The following EP400 variants were observed in gnomAD, a reference collection of about 807,000 sequenced individuals.
The protein encoded by EP400 is E1A binding protein p400.
In EP400, 105 loss-of-function variants were observed where a neutral mutation model predicts 354.1. The observed-to-expected ratio is 0.30, with a 90% confidence interval of 0.25 to 0.35. The LOEUF is 0.35. EP400 is among the 10% of genes least tolerant of loss of function. The pLI is 1.00. For synonymous variants in EP400, 1,646 were observed against 1,716.9 expected (o/e 0.96, Z 1.02); for missense variants, 3,280 against 4,121.0 (o/e 0.80, Z 5.59).
At chr12:131,959,569 C>T (rs1406122908) in intron 1 of EP400, among the ~76,000 whole-genome samples, 2 of 152,236 alleles carry the variant, frequency 1.3e-5, no homozygotes, top group East Asian at 1.9e-4. Flanking sequence ...TTCTCATCCA[C>T]TTGTGCTCAG....
At chr12:132,044,344 C>A (rs188094383) in intron 35 of EP400, 33 bp downstream of exon 35, 5 of 1,599,392 alleles carry the variant, frequency 3.1e-6, no homozygotes, top group Non-Finnish European at 2.6e-6. Flanking sequence ...GCCCTCTTGC[C>A]CCCCTGCTGA....
In EP400 at chr12:132,028,198, C is replaced by T. The variant is rs139669442; in HGVS notation, c.5291C>T (p.Ala1764Val). The T allele has an allele frequency of 4.8e-5, 77 of 1,613,994 alleles. No homozygotes were observed. Among genetic ancestry groups the T allele is most frequent in the African/African-American group, 1.3e-4 (10 of 74,904 alleles). Residue 1764 changes from alanine (A) to valine (V), a missense_variant, in exon 27 of 53, where the codon GCG becomes GTG. By Grantham distance (64) the Ala-to-Val change is moderately conservative. Transcript: ENST00000389561. ...CGTCGTGGGAAGGAGGCCGGGCCAG[C>T]GCACAGTTACACTTCATCCTCAGAA... is the stretch of plus-strand genomic sequence containing the variant. ...DGRRGKEAGP[A>V]HSYTSSSESP...
chr12:132,020,738 T>C (rs939992846), intron 22 of EP400, among the ~76,000 whole-genome samples: 24 of 152,230 alleles, frequency 1.6e-4, no homozygotes, highest in African/African-American at 4.8e-5. Flanking sequence ...TCTATAGAAA[T>C]ATGAGTGGAA....
At position 132,029,640 on chromosome 12, in the gene EP400, C is replaced by T. The variant is rs1593358372; in HGVS notation, c.5382-61C>T. The T allele has an allele frequency of 1.3e-6, 2 of 1,553,154 alleles. No individual in the cohort carries two copies. Among genetic ancestry groups the T allele is most frequent in the East Asian group, 4.5e-5 (2 of 44,330 alleles). On this transcript the variant is annotated intron_variant, in intron 27 of 52. Transcript: ENST00000389561. This position sits in a 1 kb window ranked among gnomAD's most constrained non-coding sequence, Gnocchi z 4.7. ...AAGTCTGCCCCATCTTTCAGGAGCC[C>T]CCATGCTGGGTGAAGGTGTGTGGCT...
intron 32 of EP400, 64 bp from the exon 33 acceptor site, chr12:132,043,238 GCT>G (rs1894974328): frequency 6.5e-7 from 1 of 1,545,508 alleles, no homozygotes; most frequent in Non-Finnish European, 8.7e-7. Context: ...ACATGGGATA[GCT>G]CTTTTTCAAA....
intron 7 of EP400, among the ~76,000 whole-genome samples, chr12:131,989,671 A>G (rs775258444): frequency 2.6e-5 from 4 of 152,250 alleles, no homozygotes; most frequent in South Asian, 2.1e-4. Context: ...TTAATCATCT[A>G]TTAAATGGGA....
chr12:132,079,567 T>C lies in EP400; in HGVS notation c.*1894T>C. 1 of 152,284 alleles carries C rather than the reference T, an allele frequency of 6.6e-6. No individual in the cohort carries two copies. Among genetic ancestry groups the C allele is most frequent in the Non-Finnish European group, 1.5e-5 (1 of 68,050 alleles). The allele number at this position is 152,284 out of a possible 1,614,324, so 9.4% of individuals were successfully genotyped here. A position where few individuals can be genotyped will look rare whatever the true frequency, so the allele number is the denominator to read the frequency against. On this transcript the variant is annotated 3_prime_UTR_variant, in exon 53 of 53. Transcript: ENST00000389561. ...TTCCCAAATCTTGGTAGTCTCCTTA[T>C]AGTTGAAGATAAAATGTTGAGTGCA... is the stretch of plus-strand genomic sequence containing the variant.
chr12:132,013,386 G>C lies in EP400; in HGVS notation c.3612-104G>C, dbSNP rs1327538601. The C allele has an allele frequency of 6.9e-7, 1 of 1,440,986 alleles. No individual in the cohort carries two copies. The highest frequency in any genetic ancestry group is 2.3e-5 in the East Asian group (1 of 43,524). The allele number at this position is 1,440,986 out of a possible 1,614,324, so 89.3% of individuals were successfully genotyped here. On this transcript the variant is annotated intron_variant, in intron 17 of 52. Transcript: ENST00000389561. The surrounding 1 kb of genome is among the most constrained non-coding windows in gnomAD (Gnocchi z 4.5). Reference sequence around the variant, plus strand: ...AGGCATGTGCACGTTGACATTTGCGGTGTCAAATTACTGTCCCTTTTCTCA... The same window carrying C: ...AGGCATGTGCACGTTGACATTTGCGCTGTCAAATTACTGTCCCTTTTCTCA...
chr12:132,048,769 C>T (rs779641193), intron 39 of EP400, among the ~76,000 whole-genome samples: 8 of 152,104 alleles, frequency 5.3e-5, no homozygotes, highest in Non-Finnish European at 7.4e-5. Flanking sequence ...AGGCTAGTCT[C>T]GATCTCCTGA....
At chr12:132,004,418 G>A (rs1893514384) in intron 12 of EP400, among the ~76,000 whole-genome samples, 1 of 151,698 alleles carries the variant, frequency 6.6e-6, no homozygotes. Context: ...AAGCAATTAG[G>A]GTGAGTGTTT....
At chr12:131,974,279 A>G (rs996834691) in intron 2 of EP400, among the ~76,000 whole-genome samples, 1 of 151,888 alleles carries the variant, frequency 6.6e-6, no homozygotes, top group African/African-American at 2.4e-5. Context: ...GCGCCTGGCC[A>G]GTTTTTTAAT....
At chr12:132,051,964 C>G (rs751168134) in intron 41 of EP400, among the ~76,000 whole-genome samples, 1 of 152,190 alleles carries the variant, frequency 6.6e-6, no homozygotes, top group Non-Finnish European at 1.5e-5. Context: ...TGGCCCTGTC[C>G]GGGCATAACA....
chr12:132,028,325 G>A (rs1894375327), intron 27 of EP400, 37 bp downstream of exon 27: 11 of 1,600,982 alleles, frequency 6.9e-6, no homozygotes, highest in Non-Finnish European at 9.4e-6. Context: ...GTGCTCTCTG[G>A]CTGCATTGCA....
rs149219622 is a variant in EP400 at position 132,029,747 on chromosome 12, C to T, written c.5428C>T (p.Arg1810Trp). The T allele has an allele frequency of 6.1e-5, 98 of 1,613,288 alleles. No homozygotes were observed. The highest frequency in any genetic ancestry group is 1.7e-4 in the Middle Eastern group (1 of 5,842). Residue 1810 changes from arginine to tryptophan, a missense_variant, in exon 28 of 53, where the codon CGG (arginine) becomes TGG (tryptophan). Physicochemically the swap from Arg to Trp is moderately radical, Grantham distance 101 (BLOSUM62 -3). Around this residue, in one of 20 missense-constraint regions of EP400, gnomAD observed 459 missense variants for 496.9 expected, o/e 0.92. Coordinates refer to ENST00000389561, the MANE Select transcript of EP400 (RefSeq NM_015409.5). This position sits in a 1 kb window ranked among gnomAD's most constrained non-coding sequence, Gnocchi z 4.7. ...GGTGGTGGCAGCACCCCCGTCCCTA[C>T]GGGTGCCGCGGCCGCCACCCCTGTA... is the stretch of plus-strand genomic sequence containing the variant. Reference protein sequence around the residue: ...PPVVAAPPSLRVPRPPPLYSH... With the variant: ...PPVVAAPPSLWVPRPPPLYSH...
intron 12 of EP400, among the ~76,000 whole-genome samples, chr12:131,997,412 T>C (rs887892942): frequency 1.1e-4 from 16 of 151,928 alleles, no homozygotes; most frequent in Admixed American, 2.0e-4. Context: ...GGGACTATAG[T>C]GCGCGCTACC....
At chr12:131,973,909 G>A (rs896633159) in intron 2 of EP400, among the ~76,000 whole-genome samples, 4 of 151,870 alleles carry the variant, frequency 2.6e-5, no homozygotes, top group Non-Finnish European at 5.9e-5. Flanking sequence ...TATGATGTTA[G>A]AGAAAATGAG....
chr12:131,966,442 G>A (rs146415055), intron 2 of EP400, among the ~76,000 whole-genome samples: 4 of 150,446 alleles, frequency 2.7e-5, no homozygotes, highest in Admixed American at 6.7e-5. Context: ...GGTGGCACAC[G>A]CCTGTAATTC....
chr12:132,071,523 C>T (rs533524576), intron 51 of EP400, among the ~76,000 whole-genome samples: 1 of 152,322 alleles, frequency 6.6e-6, no homozygotes, highest in East Asian at 1.9e-4. Flanking sequence ...TGGCAGGCAG[C>T]TGTGTGTGCT....
chr12:131,995,928 A>G (rs563327516), intron 12 of EP400, among the ~76,000 whole-genome samples: 2 of 151,692 alleles, frequency 1.3e-5, no homozygotes, highest in South Asian at 4.2e-4. Context: ...TGAGAACTTC[A>G]TACGAACGAA....
Sources: allele counts gnomAD v4.1 joint callset (sites outside exome capture counted in the v4.1 genomes callset), GRCh38; gene constraint gnomAD v4.1.1; regional missense constraint gnomAD v4.1.1; non-coding constraint Gnocchi (gnomAD v3.1); transcripts MANE v1.5; gene names NCBI Gene and HGNC (gene_info 2026-07-23, HGNC 2026-07-21).